The following EZR variants were observed in gnomAD, a reference collection of about 807,000 sequenced individuals.
EZR encodes ezrin, also known as cytovillin 2.
EZR carries 40 observed loss-of-function variants against 74.8 expected under a neutral mutation model. That is an observed-to-expected ratio of 0.53 (90% CI 0.42 to 0.70). EZR has a LOEUF of 0.70. Among genes scored for constraint, EZR ranks in the 30% least tolerant of loss-of-function variants. EZR has a pLI of 0.00. For synonymous variants in EZR, 341 were observed against 283.3 expected, an observed-to-expected ratio of 1.20 and a Z score of -2.05; for missense variants, 678 against 755.8, an observed-to-expected ratio of 0.90 and a Z score of 1.21.
chr6:158,806,337 C>T (rs748091108), intron 2 of EZR, among the ~76,000 whole-genome samples: 1 of 152,194 alleles, frequency 6.6e-6, no homozygotes, highest in Non-Finnish European at 1.5e-5. Flanking sequence ...CCTTTCTACC[C>T]TATAACATGC....
intron 2 of EZR, among the ~76,000 whole-genome samples, chr6:158,797,965 A>G (rs1360664054): frequency 1.3e-5 from 2 of 152,218 alleles, no homozygotes; most frequent in Non-Finnish European, 2.9e-5. Context: ...CTCCATGGCC[A>G]CTGGCAGTCA....
intron 2 of EZR, among the ~76,000 whole-genome samples, chr6:158,803,545 GTATATATA>G (rs1428301652): frequency 1.8e-4 from 2 of 11,202 alleles, no homozygotes; most frequent in Non-Finnish European, 3.2e-4. Flanking sequence ...ATATATATAT[GTATATATA>G]TATATATATA....
At position 158,767,435 on chromosome 6, in the gene EZR, T is replaced by TGGTGGGGGC; in HGVS notation, c.1413_1421dup (p.Pro474_Pro476dup). 1 of 1,375,616 alleles carries TGGTGGGGGC rather than the reference T, an allele frequency of 7.3e-7. No individual in the cohort carries two copies. 85.2% of individuals were successfully genotyped at this position (1,375,616 alleles called of 1,614,324 possible). A position where few individuals can be genotyped will look rare whatever the true frequency, so the allele number is the denominator to read the frequency against. On this transcript the variant is annotated inframe_insertion, in exon 13 of 14. Transcript: ENST00000367075. ...AGCTCACCGGCTCGTACACGGGGGGTGGTGGGGGCGGGGGTGCTGTCATCA... is the reference window on the plus strand; with the variant it reads ...AGCTCACCGGCTCGTACACGGGGGGTGGTGGGGGCGGTGGGGGCGGGGGTGCTGTCATCA...
At chr6:158,790,029 C>G (rs533555663) in intron 2 of EZR, among the ~76,000 whole-genome samples, 1 of 152,060 alleles carries the variant, frequency 6.6e-6, no homozygotes, top group Non-Finnish European at 1.5e-5. Context: ...TCCCAAGGCA[C>G]CAAGGAAGTC....
chr6:158,800,962 C>G (rs1014327299), intron 2 of EZR, among the ~76,000 whole-genome samples: 1 of 152,114 alleles, frequency 6.6e-6, no homozygotes, highest in Admixed American at 6.5e-5. Flanking sequence ...TAAAGAAGAA[C>G]ATGAGCGCAA....
intron 2 of EZR, among the ~76,000 whole-genome samples, chr6:158,799,930 T>C: frequency 6.6e-6 from 1 of 152,354 alleles, no homozygotes; most frequent in South Asian, 2.1e-4. Flanking sequence ...ACATGAACAA[T>C]GCTGCTCCCA....
intron 7 of EZR, among the ~76,000 whole-genome samples, chr6:158,783,080 G>C (rs1033938072): frequency 5.3e-5 from 8 of 152,136 alleles, no homozygotes; most frequent in Non-Finnish European, 1.0e-4. Context: ...ACACGTACAG[G>C]CTATTGTTTA....
chr6:158,804,087 T>C (rs1312592620), intron 2 of EZR, among the ~76,000 whole-genome samples: 2 of 152,166 alleles, frequency 1.3e-5, no homozygotes, highest in African/African-American at 2.4e-5. Context: ...GTAACACTGA[T>C]GGCCATTTCC....
intron 1 of EZR, 112 bp from the exon 2 acceptor site, chr6:158,818,278 G>A: frequency 2.2e-6 from 1 of 464,128 alleles, no homozygotes; most frequent in Non-Finnish European, 3.7e-6. Flanking sequence ...GCCAGCCCGG[G>A]CCCGGGTGAG....
intron 2 of EZR, among the ~76,000 whole-genome samples, chr6:158,811,245 C>T (rs1777444671): frequency 1.3e-5 from 2 of 152,190 alleles, no homozygotes; most frequent in African/African-American, 4.8e-5. Flanking sequence ...CTTGGGGAGT[C>T]TCAAGGTAGT....
In EZR at chr6:158,798,622, CTTTTT is replaced by C. The variant is rs147757313; in HGVS notation, c.13-9256_13-9252del. 8.8e-4 allele frequency among the ~76,000 whole-genome samples: 107 copies of C among 122,198 alleles called. 1 individual carries two copies. The highest frequency in any genetic ancestry group is 2.6e-3 in the African/African-American group (83 of 31,660). The allele number at this position is 122,198 out of a possible 152,430, so 80.2% of individuals were successfully genotyped here. A position where few individuals can be genotyped will look rare whatever the true frequency, so the allele number is the denominator to read the frequency against. ...AAAAGGGACTTAGTTTGCTGCTCCG[CTTTTT>C]TTTTTTTTTTTTTTTTTTTTGAGAA... is the stretch of plus-strand genomic sequence containing the variant. On this transcript the variant is annotated intron_variant, in intron 2 of 13. Transcript: ENST00000367075.
rs1777064051 is a variant in EZR at position 158,796,069 on chromosome 6, CT to C, written c.13-6699del. On this transcript the variant is annotated intron_variant, in intron 2 of 13. Coordinates refer to ENST00000367075, the MANE Select transcript of EZR (RefSeq NM_001111077.2). The stretch of plus-strand genomic sequence containing the variant: ...GAGGTGTAAGTACCCCCTGAAGGGT[CT>C]CCCTCCTTAGGGGACACATGCCAAT... Among the ~76,000 whole-genome samples, 3 of 152,180 alleles carry C rather than the reference CT, an allele frequency of 2.0e-5. 1 individual carries two copies. The South Asian group carries it at 6.2e-4, about 32-fold the overall frequency.
At chr6:158,815,107 A>C (rs1777527526) in intron 2 of EZR, among the ~76,000 whole-genome samples, 1 of 152,230 alleles carries the variant, frequency 6.6e-6, no homozygotes, top group South Asian at 2.1e-4. Context: ...AAACCACCTA[A>C]CATTCTTCGC....
At chr6:158,778,446 C>G (rs904122532) in intron 7 of EZR, among the ~76,000 whole-genome samples, 1 of 152,220 alleles carries the variant, frequency 6.6e-6, no homozygotes, top group Non-Finnish European at 1.5e-5. Flanking sequence ...AATTATGACT[C>G]ACTTTTGAGT....
chr6:158,810,080 A>C (rs995439000), intron 2 of EZR, among the ~76,000 whole-genome samples: 3 of 152,208 alleles, frequency 2.0e-5, no homozygotes, highest in Non-Finnish European at 2.9e-5. Flanking sequence ...AATATGAGCA[A>C]AATCTGATAT....
chr6:158,811,850 G>C (rs910152284), intron 2 of EZR, among the ~76,000 whole-genome samples: 2 of 147,938 alleles, frequency 1.4e-5, no homozygotes, highest in African/African-American at 5.0e-5. Context: ...ACTCCAGCCT[G>C]GGTGACAGAG....
intron 2 of EZR, among the ~76,000 whole-genome samples, chr6:158,805,853 G>GTT (rs1187244305): frequency 6.6e-6 from 1 of 152,142 alleles, no homozygotes. Context: ...ATGGTTTGCT[G>GTT]TATTTCCTTC....
chr6:158,767,428 C>CG lies in EZR; in HGVS notation c.1428dup (p.Val477ArgfsTer16). ...ACATGGTAGCTCACCGGCTCGTACA[C>CG]GGGGGGTGGTGGGGGCGGGGGTGCT... On this transcript the variant is annotated frameshift_variant, in exon 13 of 14. Transcript: ENST00000367075. LOFTEE classifies it high-confidence loss of function. 8 of 717,494 alleles carry CG rather than the reference C, an allele frequency of 1.1e-5. No homozygotes were observed. The highest frequency in any genetic ancestry group is 1.4e-5 in the South Asian group (1 of 73,288). 44.4% of individuals were successfully genotyped at this position (717,494 alleles called of 1,614,324 possible). A position where few individuals can be genotyped will look rare whatever the true frequency, so the allele number is the denominator to read the frequency against.
Position 158,797,609 on chromosome 6 carries a change from G to T in EZR, c.13-8238C>A, listed in dbSNP as rs1241440986. ...ACTTTTAACAGCTTTCAAATATTTG[G>T]ATAAGACCTTTCAAATACTTAGAAA... On this transcript the variant is annotated intron_variant, in intron 2 of 13. Transcript: ENST00000367075. Among the ~76,000 whole-genome samples, 4 of 152,098 alleles carry T rather than the reference G, an allele frequency of 2.6e-5. No individual in the cohort carries two copies. In the East Asian group the frequency reaches 7.7e-4, roughly 29 times the overall value.
Sources: gnomAD v4.1 joint callset for allele counts (sites outside exome capture counted in the v4.1 genomes callset) on GRCh38, gnomAD v4.1.1 for gene constraint, MANE v1.5 for transcripts, NCBI Gene and HGNC (gene_info 2026-07-23, HGNC 2026-07-21) for gene names.